ERICH6B: variants seen among roughly 807,000 people sequenced by gnomAD.
ERICH6B encodes the protein glutamate-rich protein 6B.
A neutral mutation model predicts 80.0 loss-of-function variants in ERICH6B; 69 were observed. The observed-to-expected ratio is 0.86, with a 90% confidence interval of 0.71 to 1.05. The LOEUF is 1.05. Among genes scored for constraint, ERICH6B ranks in the 50% least tolerant of loss-of-function variants. The pLI is 0.00. For synonymous variants in ERICH6B, 283 were observed against 291.9 expected (o/e 0.97, Z 0.31); for missense variants, 754 against 796.1 (o/e 0.95, Z 0.64).
At position 45,605,609 on chromosome 13, in the gene ERICH6B, A is replaced by G. The variant is rs189153399; in HGVS notation, c.-59+1955T>C. Among the ~76,000 whole-genome samples the G allele has an allele frequency of 3.3e-5, 5 of 152,356 alleles. No homozygotes were observed. In the East Asian group the frequency reaches 7.7e-4, roughly 23 times the overall value. ...CCTAGGTCTGCTCTTGCTGAGGGCAATGTTCTTTCCCCAGTGCCAAATGTC... is the reference window on the plus strand; with the variant it reads ...CCTAGGTCTGCTCTTGCTGAGGGCAGTGTTCTTTCCCCAGTGCCAAATGTC... On this transcript the variant is annotated intron_variant, in intron 2 of 14. Transcript: ENST00000298738.
rs150604582 is a variant in ERICH6B at position 45,579,091 on chromosome 13, C to T, written c.961+842G>A. On this transcript the variant is annotated intron_variant, in intron 7 of 14. Transcript: ENST00000298738. The stretch of plus-strand genomic sequence containing the variant: ...CTCAGATCTGCTGAATGAGAATCTG[C>T]TTTTAAACAAGATTACCAGGTAGTT... Among the ~76,000 whole-genome samples, 36 of 152,308 alleles carry T rather than the reference C, an allele frequency of 2.4e-4. No individual in the cohort carries two copies. The East Asian group carries it at 6.4e-3, about 27-fold the overall frequency.
intron 8 of ERICH6B, 77 bp from the exon 9 acceptor site, chr13:45,568,528 C>T: frequency 1.5e-6 from 2 of 1,344,114 alleles, no homozygotes; most frequent in Non-Finnish European, 2.0e-6. Flanking sequence ...TTCTGACTCT[C>T]AAAGGTACTG....
At chr13:45,563,262 A>G (rs1315266284) in intron 10 of ERICH6B, among the ~76,000 whole-genome samples, 1 of 152,164 alleles carries the variant, frequency 6.6e-6, no homozygotes, top group East Asian at 1.9e-4. Flanking sequence ...GTGGTCCCAC[A>G]GTGTCCCCTT....
intron 13 of ERICH6B, 150 bp from the exon 14 acceptor site, chr13:45,545,135 A>G (rs975326268): frequency 1.6e-5 from 11 of 668,886 alleles, no homozygotes; most frequent in Admixed American, 8.6e-5. Flanking sequence ...TGGACAACCA[A>G]CCCAACACCA....
intron 2 of ERICH6B, among the ~76,000 whole-genome samples, chr13:45,602,207 G>T (rs560316248): frequency 6.6e-6 from 1 of 152,288 alleles, no homozygotes; most frequent in South Asian, 2.1e-4. Flanking sequence ...CTGGGGCAGT[G>T]CTGGAGTTGA....
chr13:45,573,819 T>A (rs924634530), intron 8 of ERICH6B, among the ~76,000 whole-genome samples: 1 of 152,246 alleles, frequency 6.6e-6, no homozygotes, highest in Non-Finnish European at 1.5e-5. Context: ...TTCTGAATAA[T>A]TTGTGTCTAA....
At chr13:45,605,075 A>C (rs938345542) in intron 2 of ERICH6B, among the ~76,000 whole-genome samples, 2 of 151,680 alleles carry the variant, frequency 1.3e-5, no homozygotes, top group Non-Finnish European at 2.9e-5. Flanking sequence ...CCCTGAGGCC[A>C]CTCCCACTTT....
intron 8 of ERICH6B, among the ~76,000 whole-genome samples, chr13:45,570,747 G>T (rs1875121710): frequency 6.6e-6 from 1 of 152,212 alleles, no homozygotes; most frequent in Admixed American, 6.5e-5. Flanking sequence ...GGTTCCGTGT[G>T]ACATTCACTC....
At chr13:45,609,334 C>T (rs1223071081) in intron 1 of ERICH6B, among the ~76,000 whole-genome samples, 1 of 152,202 alleles carries the variant, frequency 6.6e-6, no homozygotes, top group African/African-American at 2.4e-5. Context: ...GCCCTTCCCA[C>T]TGTCTGAAAA....
intron 8 of ERICH6B, 63 bp downstream of exon 8, chr13:45,574,779 G>A (rs1251278804): frequency 5.5e-5 from 73 of 1,331,260 alleles, no homozygotes; most frequent in Non-Finnish European, 7.1e-5. Flanking sequence ...CCTGGGCTAG[G>A]CTTGGGCCAC....
chr13:45,561,425 C>A lies in ERICH6B; in HGVS notation c.1351G>T (p.Val451Phe), dbSNP rs1234808105. ...CGTTCTAATTTCTTCCTATGATGAA[C>A]AACACGTTGAGGCTTTTGGATTTCT... ...TEEIQKPQRVVHHRKKLERDK... is the reference protein window; with the variant it reads ...TEEIQKPQRVFHHRKKLERDK... The change falls in exon 11 of 15, where the codon GTT becomes TTT. Residue 451 changes from valine (V) to phenylalanine (F), a missense_variant. Coordinates refer to ENST00000298738, the MANE Select transcript of ERICH6B (RefSeq NM_182542.3). The A allele has an allele frequency of 6.4e-7, 1 of 1,552,304 alleles. No homozygotes were observed. Among genetic ancestry groups the A allele is most frequent in the Non-Finnish European group, 8.7e-7 (1 of 1,147,138 alleles).
intron 8 of ERICH6B, among the ~76,000 whole-genome samples, chr13:45,570,043 C>G (rs750448387): frequency 4.6e-5 from 7 of 152,224 alleles, no homozygotes; most frequent in Non-Finnish European, 7.3e-5. Flanking sequence ...GATGGCCGAC[C>G]ACCTGGGTGG....
At chr13:45,588,563 C>T (rs1186175572) in intron 4 of ERICH6B, among the ~76,000 whole-genome samples, 4 of 152,222 alleles carry the variant, frequency 2.6e-5, no homozygotes, top group South Asian at 2.1e-4. Flanking sequence ...TGATGACTGT[C>T]GTACCTCACT....
At position 45,591,104 on chromosome 13, in the gene ERICH6B, A is replaced by G. The variant is rs543512081; in HGVS notation, c.638-407T>C. Among the ~76,000 whole-genome samples the G allele has an allele frequency of 2.0e-5, 3 of 152,362 alleles. No individual in the cohort carries two copies. The South Asian group carries it at 6.2e-4, about 32-fold the overall frequency. On this transcript the variant is annotated intron_variant, in intron 3 of 14. Transcript: ENST00000298738. ...GTAATCACCTGATTGTTTGCCTTGA[A>G]TGATATGGCATAAAGAATTTCTTGT... is the stretch of plus-strand genomic sequence containing the variant.
chr13:45,563,638 C>T, intron 10 of ERICH6B, 89 bp downstream of exon 10: 2 of 1,234,638 alleles, frequency 1.6e-6, no homozygotes, highest in Non-Finnish European at 2.3e-6. Flanking sequence ...GCCCTTCCAC[C>T]TTCTTTACAG....
chr13:45,568,504 T>G (rs1012445479), intron 8 of ERICH6B, 53 bp from the exon 9 acceptor site: 9 of 1,428,652 alleles, frequency 6.3e-6, no homozygotes, highest in Non-Finnish European at 8.3e-6. Flanking sequence ...TAATGATTTG[T>G]TAGTTAATCA....
intron 1 of ERICH6B, among the ~76,000 whole-genome samples, chr13:45,608,957 A>G (rs1949884509): frequency 6.6e-6 from 1 of 152,144 alleles, no homozygotes; most frequent in Non-Finnish European, 1.5e-5. Context: ...CCTCTTTTTC[A>G]TCCTCCCAAA....
At chr13:45,565,661 T>C (rs913006278) in intron 9 of ERICH6B, among the ~76,000 whole-genome samples, 1 of 152,240 alleles carries the variant, frequency 6.6e-6, no homozygotes, top group Non-Finnish European at 1.5e-5. Context: ...TCTGCCACCA[T>C]GTGAGATGTG....
intron 3 of ERICH6B, among the ~76,000 whole-genome samples, chr13:45,592,185 T>C (rs1357487042): frequency 6.6e-6 from 1 of 152,152 alleles, no homozygotes; most frequent in South Asian, 2.1e-4. Context: ...GATTGTGAAA[T>C]AGACAATATG....
Sources: allele counts gnomAD v4.1 joint callset (sites outside exome capture counted in the v4.1 genomes callset), GRCh38; gene constraint gnomAD v4.1.1; transcripts MANE v1.5; gene names NCBI Gene and HGNC (gene_info 2026-07-23, HGNC 2026-07-21).